Variants in KCNH8 observed in about 807,000 individuals in gnomAD.
KCNH8 encodes the protein voltage-gated delayed rectifier potassium channel KCNH8.
In KCNH8, 70 loss-of-function variants were observed where a neutral mutation model predicts 103.6. The ratio of observed to expected loss-of-function variants is 0.68; its 90% CI spans 0.56 to 0.82. The LOEUF (loss-of-function observed/expected upper bound fraction) is 0.82, where lower values mean the gene tolerates loss of function less well. KCNH8 is among the 40% of genes least tolerant of loss of function. KCNH8 has a pLI of 0.00. For missense variants in KCNH8, 1,217 were observed against 1,329.9 expected (o/e 0.92, Z 1.32); for synonymous variants, 498 against 489.4 (o/e 1.02, Z -0.23).
intron 4 of KCNH8, chr3:19,346,749 G>T: frequency 2.2e-6 from 1 of 453,348 alleles, no homozygotes; most frequent in Non-Finnish European, 4.4e-6. Flanking sequence ...TATGTATTCG[G>T]GAATTTATAA....
At chr3:19,212,273 C>T (rs1169992744) in intron 1 of KCNH8, among the ~76,000 whole-genome samples, 1 of 152,262 alleles carries the variant, frequency 6.6e-6, no homozygotes, top group East Asian at 1.9e-4. Context: ...CACCAAAGGT[C>T]TCACAGCTAA....
intron 1 of KCNH8, among the ~76,000 whole-genome samples, chr3:19,182,123 A>G (rs946443836): frequency 3.3e-5 from 5 of 152,180 alleles, no homozygotes; most frequent in Non-Finnish European, 1.5e-5. Flanking sequence ...TAGAGGCCAT[A>G]TATTCTTTGT....
chr3:19,258,937 CT>C (rs2064384770), intron 2 of KCNH8, among the ~76,000 whole-genome samples: 3 of 80,068 alleles, frequency 3.7e-5, no homozygotes, highest in Non-Finnish European at 7.8e-5. Context: ...CTCTCTCTCT[CT>C]CTCTCTCTCT....
chr3:19,497,077 C>T (rs1433495343), intron 11 of KCNH8, among the ~76,000 whole-genome samples: 1 of 151,896 alleles, frequency 6.6e-6, no homozygotes, highest in Non-Finnish European at 1.5e-5. Context: ...TTTTTATATT[C>T]CTGTAGGTCA....
At chr3:19,431,546 G>T (rs2067121946) in intron 7 of KCNH8, among the ~76,000 whole-genome samples, 1 of 152,188 alleles carries the variant, frequency 6.6e-6, no homozygotes, top group Admixed American at 6.5e-5. Flanking sequence ...GAATAGTTCA[G>T]TAGTAATGGT....
intron 1 of KCNH8, among the ~76,000 whole-genome samples, chr3:19,174,636 A>AAACCTTTCC (rs1440318832): frequency 6.6e-6 from 1 of 152,196 alleles, no homozygotes; most frequent in African/African-American, 2.4e-5. Flanking sequence ...TTGTGTCTGA[A>AAACCTTTCC]AACATGTTCT....
At chr3:19,372,781 G>A (rs1312891504) in intron 5 of KCNH8, among the ~76,000 whole-genome samples, 1 of 152,092 alleles carries the variant, frequency 6.6e-6, no homozygotes, top group Non-Finnish European at 1.5e-5. Context: ...TTTGAAATAT[G>A]TCCCATCAAT....
At chr3:19,258,981 ATC>A (rs1559447079) in intron 2 of KCNH8, among the ~76,000 whole-genome samples, 1 of 123,414 alleles carries the variant, frequency 8.1e-6, no homozygotes, top group African/African-American at 2.9e-5. Flanking sequence ...ATATATATAT[ATC>A]TGGAAATAAT....
intron 7 of KCNH8, among the ~76,000 whole-genome samples, chr3:19,404,477 C>G (rs564614943): frequency 1.3e-5 from 2 of 152,012 alleles, no homozygotes; most frequent in East Asian, 3.9e-4. Context: ...CACTGCTTCT[C>G]TGAAAGGATC....
intron 5 of KCNH8, among the ~76,000 whole-genome samples, chr3:19,352,888 C>T (rs1241642686): frequency 6.6e-6 from 1 of 151,672 alleles, no homozygotes. Flanking sequence ...AAAATCAGAG[C>T]AGAGCTAAAG....
chr3:19,437,813 T>G (rs1375315048), intron 7 of KCNH8, among the ~76,000 whole-genome samples: 1 of 152,174 alleles, frequency 6.6e-6, no homozygotes, highest in East Asian at 1.9e-4. Flanking sequence ...TTCTTATAAT[T>G]CCAAATGAGA....
At chr3:19,324,294 C>T (rs911217823) in intron 3 of KCNH8, among the ~76,000 whole-genome samples, 3 of 151,902 alleles carry the variant, frequency 2.0e-5, no homozygotes, top group Non-Finnish European at 2.9e-5. Flanking sequence ...GGGGAGGCCT[C>T]GGGAAACTTA....
intron 11 of KCNH8, 87 bp downstream of exon 11, chr3:19,457,069 C>T (rs1361627852): frequency 4.8e-6 from 4 of 840,954 alleles, no homozygotes; most frequent in East Asian, 5.3e-5. Context: ...GTCATGACCT[C>T]ACCTTAAAAA....
chr3:19,514,358 A>T (rs2068837294), intron 13 of KCNH8, among the ~76,000 whole-genome samples: 1 of 152,028 alleles, frequency 6.6e-6, no homozygotes, highest in South Asian at 2.1e-4. Flanking sequence ...TGGAGATGGT[A>T]ATTTGAAAAT....
chr3:19,253,513 G>T (rs2064305278), intron 1 of KCNH8, 141 bp from the exon 2 acceptor site: 1 of 670,026 alleles, frequency 1.5e-6, no homozygotes, highest in African/African-American at 1.8e-5. Flanking sequence ...ATGTTTTGGA[G>T]TGTCTCTTTT....
intron 15 of KCNH8, among the ~76,000 whole-genome samples, chr3:19,525,067 A>G (rs1016906470): frequency 6.6e-6 from 1 of 151,876 alleles, no homozygotes; most frequent in Non-Finnish European, 1.5e-5. Flanking sequence ...AAATTGCTAA[A>G]AGAGTAGATC....
At chr3:19,207,339 C>T (rs998669542) in intron 1 of KCNH8, among the ~76,000 whole-genome samples, 7 of 151,866 alleles carry the variant, frequency 4.6e-5, no homozygotes, top group Non-Finnish European at 8.8e-5. Context: ...TATATGAAGA[C>T]TGTTATTTTC....
rs140132253 is a variant in KCNH8 at position 19,301,600 on chromosome 3, C to G, written c.442+20271C>G. Among the ~76,000 whole-genome samples the G allele has an allele frequency of 3.9e-5, 6 of 152,186 alleles. No individual in the cohort carries two copies. In the East Asian group the frequency reaches 1.2e-3, roughly 29 times the overall value. ...TGTGTTTTTTCGACATCAAGCAATT[C>G]TCCAATTCTCTGTGGACACCAAGTG... On this transcript the variant is annotated intron_variant, in intron 3 of 15. Coordinates refer to ENST00000328405, the MANE Select transcript of KCNH8 (RefSeq NM_144633.3).
In KCNH8 at chr3:19,163,747, C is replaced by A. The variant is rs548911995; in HGVS notation, c.76+14952C>A. Among the ~76,000 whole-genome samples the A allele has an allele frequency of 3.9e-5, 6 of 152,256 alleles. No individual in the cohort carries two copies. The South Asian group carries it at 1.2e-3, about 32-fold the overall frequency. ...TCCTCCCATGAGACAACAAGACTGA[C>A]CCCTCCTCTTCCTCTTCTTCCTCAG... On this transcript the variant is annotated intron_variant, in intron 1 of 15. Coordinates refer to ENST00000328405, the MANE Select transcript of KCNH8 (RefSeq NM_144633.3).
Sources: gnomAD v4.1 joint callset for allele counts (sites outside exome capture counted in the v4.1 genomes callset) on GRCh38, gnomAD v4.1.1 for gene constraint, MANE v1.5 for transcripts, NCBI Gene and HGNC (gene_info 2026-07-23, HGNC 2026-07-21) for gene names.